CCSER1: variants seen among roughly 807,000 people sequenced by gnomAD.
The protein encoded by CCSER1 is coiled-coil serine rich protein 1.
In CCSER1, 41 loss-of-function variants were observed where a neutral mutation model predicts 82.0. That is an observed-to-expected ratio of 0.50 (90% CI 0.39 to 0.65). The LOEUF (loss-of-function observed/expected upper bound fraction) is 0.65. Among genes scored for constraint, CCSER1 ranks in the 30% least tolerant of loss-of-function variants. The probability of loss-of-function intolerance (pLI) is 0.00; values close to 1 mark genes in which losing one functional copy is unlikely to be tolerated. For missense variants in CCSER1, 1,119 were observed against 1,064.2 expected (o/e 1.05, Z -0.72); for synonymous variants, 414 against 383.9 (o/e 1.08, Z -0.92).
chr4:90,217,806 G>A (rs551964032), intron 1 of CCSER1, among the ~76,000 whole-genome samples: 32 of 151,098 alleles, frequency 2.1e-4, no homozygotes, highest in Non-Finnish European at 3.8e-4. Flanking sequence ...TATTATTATT[G>A]TTTTTTTGAG....
chr4:90,866,166 C>T (rs1466390498), intron 8 of CCSER1, among the ~76,000 whole-genome samples: 1 of 151,902 alleles, frequency 6.6e-6, no homozygotes, highest in Non-Finnish European at 1.5e-5. Flanking sequence ...AGATGCAAAC[C>T]ATATCACTCC....
chr4:90,666,126 C>T (rs983562704), intron 6 of CCSER1, among the ~76,000 whole-genome samples: 7 of 152,112 alleles, frequency 4.6e-5, no homozygotes, highest in African/African-American at 1.7e-4. Flanking sequence ...CATCCCCCCT[C>T]TGCCACATCA....
chr4:90,759,328 G>T (rs11733475), intron 7 of CCSER1, among the ~76,000 whole-genome samples: 1 of 151,988 alleles, frequency 6.6e-6, no homozygotes, highest in African/African-American at 2.4e-5. Flanking sequence ...TCACCAAATG[G>T]AGAGGATAAC....
rs1753962378 is a variant in CCSER1, at chr4:91,426,241, T to C, written c.2218-172331T>C. On this transcript the variant is annotated intron_variant, in intron 10 of 10. Coordinates refer to ENST00000509176, the MANE Select transcript of CCSER1 (RefSeq NM_001145065.2). ...CTCATCCTTTTTTATGGCTGCATAGTATTCCATGGTGTTTATGTGCCACAT... is the reference window on the plus strand; with the variant it reads ...CTCATCCTTTTTTATGGCTGCATAGCATTCCATGGTGTTTATGTGCCACAT... Among the ~76,000 whole-genome samples, 3 of 152,222 alleles carry C rather than the reference T, an allele frequency of 2.0e-5. No individual in the cohort carries two copies. The South Asian group carries it at 6.2e-4, about 32-fold the overall frequency.
intron 10 of CCSER1, among the ~76,000 whole-genome samples, chr4:91,433,031 G>A (rs975688921): frequency 5.3e-5 from 8 of 151,988 alleles, no homozygotes; most frequent in Non-Finnish European, 7.4e-5. Context: ...AAATGACTGA[G>A]AAATACTAGG....
intron 9 of CCSER1, among the ~76,000 whole-genome samples, chr4:91,002,170 C>T (rs1290786476): frequency 6.6e-6 from 1 of 152,152 alleles, no homozygotes; most frequent in Admixed American, 6.5e-5. Context: ...GTGCTTTTGC[C>T]TCAGCTCTCA....
chr4:90,856,740 GA>G (rs1357808043), intron 8 of CCSER1, among the ~76,000 whole-genome samples: 1 of 152,018 alleles, frequency 6.6e-6, no homozygotes, highest in Non-Finnish European at 1.5e-5. Context: ...CTATAAAATA[GA>G]AATAACAATA....
intron 10 of CCSER1, among the ~76,000 whole-genome samples, chr4:91,568,277 CATTCTTG>C (rs1762992908): frequency 2.6e-5 from 4 of 151,996 alleles, no homozygotes; most frequent in South Asian, 2.1e-4. Flanking sequence ...CTGCCTTTAA[CATTCTTG>C]CTTTCATTGT....
At chr4:91,160,959 A>C (rs1731332220) in intron 10 of CCSER1, among the ~76,000 whole-genome samples, 1 of 152,086 alleles carries the variant, frequency 6.6e-6, no homozygotes, top group Non-Finnish European at 1.5e-5. Context: ...TTGGTGTTTT[A>C]GTCATGAAGT....
chr4:91,100,190 T>TAAA (rs77422105), intron 10 of CCSER1, among the ~76,000 whole-genome samples: 35 of 149,850 alleles, frequency 2.3e-4, no homozygotes, highest in East Asian at 9.8e-4. Flanking sequence ...TTGGGCAAGA[T>TAAA]AAAAAAAAAA....
chr4:90,537,259 T>C (rs1341345272), intron 5 of CCSER1, among the ~76,000 whole-genome samples: 1 of 152,136 alleles, frequency 6.6e-6, no homozygotes, highest in East Asian at 1.9e-4. Context: ...ATTTAAATAC[T>C]AGTTCTTTTT....
intron 8 of CCSER1, among the ~76,000 whole-genome samples, chr4:90,844,345 T>C (rs1445646904): frequency 6.6e-6 from 1 of 152,098 alleles, no homozygotes; most frequent in Non-Finnish European, 1.5e-5. Flanking sequence ...AAGGCATTGA[T>C]TCACATTTTT....
chr4:90,826,122 T>C (rs1760404333), intron 8 of CCSER1, among the ~76,000 whole-genome samples: 1 of 152,234 alleles, frequency 6.6e-6, no homozygotes, highest in African/African-American at 2.4e-5. Context: ...ACTTCCTTAT[T>C]ATGCCCAATA....
At chr4:91,496,521 C>G (rs1758815624) in intron 10 of CCSER1, among the ~76,000 whole-genome samples, 1 of 129,914 alleles carries the variant, frequency 7.7e-6, no homozygotes, top group African/African-American at 2.8e-5. Context: ...ATGCTTTCTA[C>G]AAAAAATATA....
chr4:90,347,514 C>T (rs1366413494), intron 3 of CCSER1, among the ~76,000 whole-genome samples: 2 of 152,188 alleles, frequency 1.3e-5, no homozygotes, highest in African/African-American at 4.8e-5. Context: ...ATAAACAATT[C>T]ATGCTTTAAA....
intron 10 of CCSER1, among the ~76,000 whole-genome samples, chr4:91,186,711 A>T (rs1023272667): frequency 6.6e-6 from 1 of 152,246 alleles, no homozygotes; most frequent in Admixed American, 6.5e-5. Context: ...TAGATATTAA[A>T]TTAACTAAAA....
chr4:90,465,718 ATGTG>A (rs1008777152), intron 4 of CCSER1, among the ~76,000 whole-genome samples: 2 of 152,150 alleles, frequency 1.3e-5, no homozygotes, highest in Non-Finnish European at 2.9e-5. Flanking sequence ...GAAAGAAGTG[ATGTG>A]TGTGTGTCAC....
intron 10 of CCSER1, among the ~76,000 whole-genome samples, chr4:91,376,505 G>T (rs572764512): frequency 1.1e-4 from 16 of 152,258 alleles, no homozygotes; most frequent in African/African-American, 3.6e-4. Flanking sequence ...ATTAAAGGTT[G>T]TTATGTGGCA....
At chr4:91,576,870 G>A (rs1379264507) in intron 10 of CCSER1, among the ~76,000 whole-genome samples, 1 of 151,816 alleles carries the variant, frequency 6.6e-6, no homozygotes, top group African/African-American at 2.4e-5. Context: ...TATATTTTCA[G>A]CACACAAAGG....
Sources: gnomAD v4.1 joint callset for allele counts (sites outside exome capture counted in the v4.1 genomes callset) on GRCh38, gnomAD v4.1.1 for gene constraint, MANE v1.5 for transcripts, NCBI Gene and HGNC (gene_info 2026-07-23, HGNC 2026-07-21) for gene names.